PATL2: variants seen among roughly 807,000 people sequenced by gnomAD.
The protein encoded by PATL2 is PAT1 homolog 2, also known as protein PAT1 homolog 2.
In PATL2, 73 loss-of-function variants were observed where a neutral mutation model predicts 77.0. The observed-to-expected ratio is 0.95, with a 90% CI of 0.78 to 1.15. The LOEUF (loss-of-function observed/expected upper bound fraction) is 1.15. PATL2 is among the 50% of genes most tolerant of loss of function. The probability of loss-of-function intolerance (pLI) is 0.00; values close to 1 mark genes in which losing one functional copy is unlikely to be tolerated. For synonymous variants in PATL2, 265 were observed against 257.1 expected, an observed-to-expected ratio of 1.03 and a Z score of -0.29; for missense variants, 618 against 655.4, an observed-to-expected ratio of 0.94 and a Z score of 0.62.
chr15:44,699,993 G>A (rs182584973), intron 3 of PATL2, among the ~76,000 whole-genome samples: 1 of 152,134 alleles, frequency 6.6e-6, no homozygotes, highest in African/African-American at 2.4e-5. Flanking sequence ...GCCTTTTGTG[G>A]TTCCATATAA....
rs1026866053 is a variant in PATL2 at position 44,669,979 on chromosome 15, C to A, written c.766G>T (p.Ala256Ser). The A allele has an allele frequency of 1.9e-6, 3 of 1,548,534 alleles. No homozygotes were observed. In the African/African-American group the frequency reaches 4.1e-5, roughly 21 times the overall value. The change falls in exon 10 of 18, where the codon GCT becomes TCT. Residue 256 changes from alanine to serine, a missense_variant. Coordinates refer to ENST00000682850, the MANE Select transcript of PATL2 (RefSeq NM_001387263.1). The stretch of plus-strand genomic sequence containing the variant: ...GCCCTGACCCTACCGGACTCATAAG[C>A]CTCTGCCTTCGGAATGTAAGGCGTT... ...LVTPYIPKAEAYESVVRIEGS... is the reference protein window; with the variant it reads ...LVTPYIPKAESYESVVRIEGS...
At chr15:44,698,063 T>C (rs1382256301) in intron 3 of PATL2, among the ~76,000 whole-genome samples, 1 of 145,848 alleles carries the variant, frequency 6.9e-6, no homozygotes. Context: ...AATTTTTTTA[T>C]TTTTATTTTC....
chr15:44,693,088 G>A (rs953983309), intron 3 of PATL2, among the ~76,000 whole-genome samples: 2 of 152,220 alleles, frequency 1.3e-5, no homozygotes, highest in African/African-American at 4.8e-5. Context: ...TAACCAAGAG[G>A]TAAACTTGAC....
chr15:44,672,050 T>C lies in PATL2; in HGVS notation c.622A>G (p.Ser208Gly). ...TAGTCATCCAGGCGGGGTTTTGCAC[T>C]CTGCAGCTGCACCATCTGCACTTTT... ...VIKVQMVQLQ[S>G]AKPRLDDYYY... Residue 208 changes from serine to glycine, a missense_variant, in exon 9 of 18, where the codon AGT becomes GGT. Ser to Gly is a moderately conservative substitution (Grantham distance 56). Transcript: ENST00000682850. 6.4e-7 allele frequency: 1 copy of C among 1,551,726 alleles called. No individual in the cohort carries two copies. The highest frequency in any genetic ancestry group is 1.4e-5 in the African/African-American group (1 of 73,170).
chr15:44,708,987 CT>C, intron 3 of PATL2, among the ~76,000 whole-genome samples: 1 of 152,268 alleles, frequency 6.6e-6, no homozygotes, highest in East Asian at 1.9e-4. Flanking sequence ...CAACCTCTGC[CT>C]CCCAGGTTCA....
At chr15:44,684,573 C>T (rs1566862330) in intron 3 of PATL2, among the ~76,000 whole-genome samples, 2 of 151,816 alleles carry the variant, frequency 1.3e-5, no homozygotes, top group Non-Finnish European at 2.9e-5. Flanking sequence ...ATGAACAAAG[C>T]CTCTGAGAAA....
At chr15:44,703,699 T>C (rs983516931) in intron 3 of PATL2, among the ~76,000 whole-genome samples, 1 of 148,496 alleles carries the variant, frequency 6.7e-6, no homozygotes, top group African/African-American at 2.5e-5. Flanking sequence ...GTGCTCCTTG[T>C]AGGCAACAAA....
chr15:44,675,542 C>T lies in PATL2; in HGVS notation c.166G>A (p.Glu56Lys). The part of the protein sequence containing the change: ...LDPDLDPDLE[E>K]EENDLGDPAV... ...GGATCCCCAAGATCATTCTCTTCCTCCTCTAGGTCTGGGTCCAGATCTGGG... is the reference window on the plus strand; with the variant it reads ...GGATCCCCAAGATCATTCTCTTCCTTCTCTAGGTCTGGGTCCAGATCTGGG... The change falls in exon 5 of 18, where the codon GAG (glutamate) becomes AAG (lysine). Residue 56 changes from glutamate to lysine, a missense_variant. By Grantham distance (56) the Glu-to-Lys change is moderately conservative. Coordinates refer to ENST00000682850, the MANE Select transcript of PATL2 (RefSeq NM_001387263.1). The T allele has an allele frequency of 6.4e-7, 1 of 1,551,960 alleles. No homozygotes were observed. Among genetic ancestry groups the T allele is most frequent in the African/African-American group, 1.4e-5 (1 of 73,164 alleles).
chr15:44,699,181 C>T (rs2086576416), intron 3 of PATL2, among the ~76,000 whole-genome samples: 1 of 151,758 alleles, frequency 6.6e-6, no homozygotes, highest in Non-Finnish European at 1.5e-5. Context: ...TAAATATTTC[C>T]TCCCATTCTG....
chr15:44,709,199 C>T (rs764338813), intron 3 of PATL2, among the ~76,000 whole-genome samples: 1 of 152,050 alleles, frequency 6.6e-6, no homozygotes, highest in Non-Finnish European at 1.5e-5. Flanking sequence ...ACATCCAGCC[C>T]CAAATTGTTT....
chr15:44,710,455 C>G (rs1392137437), intron 2 of PATL2, among the ~76,000 whole-genome samples: 1 of 152,136 alleles, frequency 6.6e-6, no homozygotes. Flanking sequence ...GTCTGCCTGT[C>G]ATGTTTAACG....
At chr15:44,689,721 G>A (rs2086344057) in intron 3 of PATL2, among the ~76,000 whole-genome samples, 1 of 152,092 alleles carries the variant, frequency 6.6e-6, no homozygotes, top group African/African-American at 2.4e-5. Context: ...TGGGGTGGGG[G>A]ACTAGGGGAG....
rs1382809633 is a variant in PATL2, at chr15:44,669,039, TG to T, written c.1164del (p.Ile389PhefsTer36). ...LPFLPQDQAVTILLAITHHLP... is the reference protein window; with the variant it reads ...LPFLPQDQAVXILLAITHHLP... ...AGATGGTGGGTGATAGCCAAAAGAA[TG>T]GTAACAGCCTGATCCTGGGGCAGGA... On this transcript the variant is annotated frameshift_variant, in exon 14 of 18. Coordinates refer to ENST00000682850, the MANE Select transcript of PATL2 (RefSeq NM_001387263.1). LOFTEE classifies it high-confidence loss of function. 1.9e-6 allele frequency: 3 copies of T among 1,551,078 alleles called. No homozygotes were observed. Among genetic ancestry groups the T allele is most frequent in the Non-Finnish European group, 2.6e-6 (3 of 1,146,672 alleles).
chr15:44,683,118 G>A (rs1354836087), intron 3 of PATL2, among the ~76,000 whole-genome samples: 3 of 152,116 alleles, frequency 2.0e-5, no homozygotes. Context: ...TCCCTCAGGT[G>A]CCTATGCCAC....
chr15:44,693,812 G>T (rs1383553071), intron 3 of PATL2, among the ~76,000 whole-genome samples: 1 of 151,248 alleles, frequency 6.6e-6, no homozygotes, highest in African/African-American at 2.4e-5. Context: ...CGGTTTTCCT[G>T]CCTCAGCCTC....
At chr15:44,668,840 C>T (rs1447376349) in intron 14 of PATL2, 140 bp downstream of exon 14, 1 of 1,057,334 alleles carries the variant, frequency 9.5e-7, no homozygotes, top group Non-Finnish European at 1.3e-6. Context: ...AACTTCCTTG[C>T]CTGAGGGTGG....
Position 44,703,723 on chromosome 15 carries a change from CTTTTTTTTTTTTTTTTTTT to C in PATL2, c.-76+6354_-76+6372del, listed in dbSNP as rs933165876. Among the ~76,000 whole-genome samples the C allele has an allele frequency of 6.1e-5, 2 of 33,004 alleles. 1 individual carries two copies. Among genetic ancestry groups the C allele is most frequent in the African/African-American group, 2.0e-4 (2 of 9,806 alleles). The allele number at this position is 33,004 out of a possible 152,430, so 21.7% of individuals were successfully genotyped here. A position where few individuals can be genotyped will look rare whatever the true frequency, so the allele number is the denominator to read the frequency against. ...GTAGGCAACAAATCACCGGGTCTTG[CTTTTTTTTTTTTTTTTTTT>C]TTTTTTTTTTAAATCCATTCAGCCA... On this transcript the variant is annotated intron_variant, in intron 3 of 17. Coordinates refer to ENST00000682850, the MANE Select transcript of PATL2 (RefSeq NM_001387263.1).
intron 3 of PATL2, among the ~76,000 whole-genome samples, chr15:44,697,131 TCTC>T (rs1014916809): frequency 3.9e-5 from 6 of 151,912 alleles, no homozygotes; most frequent in Admixed American, 1.3e-4. Flanking sequence ...TCCTGTTTCT[TCTC>T]CTCCTCCTCC....
At chr15:44,682,353 T>C (rs1011672263) in intron 3 of PATL2, among the ~76,000 whole-genome samples, 2 of 152,216 alleles carry the variant, frequency 1.3e-5, no homozygotes, top group Non-Finnish European at 2.9e-5. Flanking sequence ...CACTGATCCT[T>C]ATGCTTTTTG....
Sources: gnomAD v4.1 joint callset for allele counts (sites outside exome capture counted in the v4.1 genomes callset) on GRCh38, gnomAD v4.1.1 for gene constraint, MANE v1.5 for transcripts, NCBI Gene and HGNC (gene_info 2026-07-23, HGNC 2026-07-21) for gene names.